TNPO1: variants seen among roughly 807,000 people sequenced by gnomAD.
TNPO1 encodes the protein transportin 1, also known as transportin-1.
TNPO1 carries 8 observed loss-of-function variants against 119.5 expected under a neutral mutation model. The ratio of observed to expected loss-of-function variants is 0.07; its 90% confidence interval spans 0.04 to 0.12. The LOEUF is 0.12. Ranked by LOEUF, TNPO1 falls within the 10% of genes least tolerant of loss-of-function variation. The pLI is 1.00. For missense variants in TNPO1, 576 were observed against 1,089.8 expected (o/e 0.53, Z 6.64); for synonymous variants, 362 against 363.0 (o/e 1.00, Z 0.03).
chr5:72,854,773 G>A (rs1353715304), intron 3 of TNPO1, among the ~76,000 whole-genome samples: 1 of 152,120 alleles, frequency 6.6e-6, no homozygotes, highest in Non-Finnish European at 1.5e-5. Context: ...GTAGCTTTTT[G>A]AAAATTTGTA....
chr5:72,898,720 G>A (rs775388919), intron 20 of TNPO1, among the ~76,000 whole-genome samples: 2 of 151,850 alleles, frequency 1.3e-5, no homozygotes, highest in African/African-American at 4.8e-5. Context: ...CTGCTTTATC[G>A]CATGTTTCAT....
At chr5:72,875,864 A>G (rs766486929) in intron 8 of TNPO1, 127 bp downstream of exon 8, 1 of 1,171,550 alleles carries the variant, frequency 8.5e-7, no homozygotes, top group South Asian at 1.8e-5. Context: ...ATTATAAGTT[A>G]TCTTTGTGGG....
At position 72,903,925 on chromosome 5, in the gene TNPO1, G is replaced by C. The variant is rs1010351016; in HGVS notation, c.2589+142G>C. On this transcript the variant is annotated intron_variant, in intron 23 of 24. Transcript: ENST00000337273. The stretch of plus-strand genomic sequence containing the variant: ...TTTACATATATAACCTTTATTCTTG[G>C]TAACAAAGTTGGCTTGATCTTTTCT... 3 of 523,740 alleles carry C rather than the reference G, an allele frequency of 5.7e-6. No individual in the cohort carries two copies. The African/African-American group carries it at 5.9e-5, about 10-fold the overall frequency. The allele number at this position is 523,740 out of a possible 1,614,324, so 32.4% of individuals were successfully genotyped here.
chr5:72,842,457 A>G (rs534605778), intron 1 of TNPO1, among the ~76,000 whole-genome samples: 1 of 152,328 alleles, frequency 6.6e-6, no homozygotes, highest in Non-Finnish European at 1.5e-5. Flanking sequence ...TAGAGTTGTG[A>G]AGTGCTTAGA....
rs1412990780 is a variant in TNPO1 at position 72,912,320 on chromosome 5, C to G, written c.*3647C>G. 1 of 152,396 alleles carries G rather than the reference C, an allele frequency of 6.6e-6. No homozygotes were observed. Among genetic ancestry groups the G allele is most frequent in the Admixed American group, 6.6e-5 (1 of 15,254 alleles). The allele number at this position is 152,396 out of a possible 1,614,324, so 9.4% of individuals were successfully genotyped here. ...GTGATTTTTTTGGTTAAGACTTTTT[C>G]ATTGATCTGAATTGCTTAAATTGCA... On this transcript the variant is annotated 3_prime_UTR_variant, in exon 25 of 25. Transcript: ENST00000337273.
At chr5:72,833,320 A>T (rs982428637) in intron 1 of TNPO1, among the ~76,000 whole-genome samples, 2 of 152,180 alleles carry the variant, frequency 1.3e-5, no homozygotes, top group Non-Finnish European at 2.9e-5. Flanking sequence ...TGAATGTTTT[A>T]GGGAGTTCGT....
At chr5:72,870,183 G>A (rs953375453) in intron 6 of TNPO1, among the ~76,000 whole-genome samples, 9 of 105,200 alleles carry the variant, frequency 8.6e-5, no homozygotes, top group East Asian at 6.1e-4. Context: ...TTTTTGAGAC[G>A]GAGTTTCACT....
At chr5:72,857,702 C>T (rs560768735) in intron 4 of TNPO1, among the ~76,000 whole-genome samples, 4 of 152,278 alleles carry the variant, frequency 2.6e-5, no homozygotes, top group South Asian at 4.1e-4. Context: ...GATATAGAAA[C>T]GAGTTATGAG....
Position 72,898,546 on chromosome 5 carries a change from G to T in TNPO1, c.2338+1395G>T, listed in dbSNP as rs186246279. Among the ~76,000 whole-genome samples, 348 of 152,138 alleles carry T rather than the reference G, an allele frequency of 2.3e-3. 3 individuals carry two copies. The highest frequency in any genetic ancestry group is 8.1e-3 in the African/African-American group (336 of 41,540). ...TTTATTTCTTACCCAAAAAAGTGGGGTTTTTTAATTATTAAAATCATTGTC... is the reference window on the plus strand; with the variant it reads ...TTTATTTCTTACCCAAAAAAGTGGGTTTTTTTAATTATTAAAATCATTGTC... On this transcript the variant is annotated intron_variant, in intron 20 of 24. Transcript: ENST00000337273.
At chr5:72,894,932 T>C (rs971872549) in intron 18 of TNPO1, among the ~76,000 whole-genome samples, 1 of 152,198 alleles carries the variant, frequency 6.6e-6, no homozygotes, top group Admixed American at 6.5e-5. Context: ...TTTTTTATTA[T>C]AAAGTGTTTA....
intron 6 of TNPO1, among the ~76,000 whole-genome samples, chr5:72,868,274 T>C (rs1747081369): frequency 6.6e-6 from 1 of 151,322 alleles, no homozygotes; most frequent in South Asian, 2.1e-4. Flanking sequence ...CTGCTAAAAA[T>C]ACAAAAAATT....
Position 72,893,224 on chromosome 5 carries a change from A to G in TNPO1, c.1874A>G (p.Gln625Arg), listed in dbSNP as rs780861355. ...TATCAGCGTTGTGTAAACCTAGTAC[A>G]GAAGACTCTTGCACAAGCCATGGTA... ...PVYQRCVNLV[Q>R]KTLAQAMLNN... Residue 625 changes from glutamine (Q) to arginine (R), a missense_variant, in exon 16 of 25, where the codon CAG (glutamine) becomes CGG (arginine). By Grantham distance (43) the Gln-to-Arg change is conservative. Coordinates refer to ENST00000337273, the MANE Select transcript of TNPO1 (RefSeq NM_002270.4). 6.2e-7 allele frequency: 1 copy of G among 1,613,924 alleles called. No individual in the cohort carries two copies. The highest frequency in any genetic ancestry group is 1.1e-5 in the South Asian group (1 of 90,986).
intron 9 of TNPO1, among the ~76,000 whole-genome samples, chr5:72,880,953 T>C (rs1748198682): frequency 6.6e-6 from 1 of 152,136 alleles, no homozygotes; most frequent in South Asian, 2.1e-4. Context: ...AATTGCCACA[T>C]GGTCACGGTT....
intron 13 of TNPO1, among the ~76,000 whole-genome samples, chr5:72,889,350 G>T (rs763491908): frequency 6.6e-6 from 1 of 152,140 alleles, no homozygotes; most frequent in Non-Finnish European, 1.5e-5. Context: ...GAGCCACCGC[G>T]CCTGGCAGGG....
chr5:72,888,390 T>C, intron 13 of TNPO1, 87 bp downstream of exon 13: 1 of 1,162,980 alleles, frequency 8.6e-7, no homozygotes, highest in Non-Finnish European at 1.2e-6. Context: ...GTTAAACCTA[T>C]AATGAAGTGT....
Position 72,911,833 on chromosome 5 carries a change from T to C in TNPO1, c.*3160T>C, listed in dbSNP as rs1238477477. The C allele has an allele frequency of 6.6e-6, 1 of 152,552 alleles. No homozygotes were observed. The highest frequency in any genetic ancestry group is 2.4e-5 in the African/African-American group (1 of 41,454). 9.4% of individuals were successfully genotyped at this position (152,552 alleles called of 1,614,324 possible). On this transcript the variant is annotated 3_prime_UTR_variant, in exon 25 of 25. Coordinates refer to ENST00000337273, the MANE Select transcript of TNPO1 (RefSeq NM_002270.4). ...CCTCAGGAGGTCAGTGTTTACTGTT[T>C]TATATATGCCTTCTTTTTCCTGTTT...
At chr5:72,862,993 TGTG>T (rs933576757) in intron 5 of TNPO1, among the ~76,000 whole-genome samples, 3 of 14,180 alleles carry the variant, frequency 2.1e-4, no homozygotes, top group African/African-American at 4.0e-4. Flanking sequence ...TGTGGGTTTT[TGTG>T]TGTGTGTGTG....
intron 5 of TNPO1, among the ~76,000 whole-genome samples, chr5:72,863,459 C>T (rs1746635294): frequency 6.6e-6 from 1 of 151,850 alleles, no homozygotes; most frequent in South Asian, 2.1e-4. Flanking sequence ...GTGATGTGTG[C>T]CTGTGGTCCC....
intron 2 of TNPO1, among the ~76,000 whole-genome samples, chr5:72,850,400 C>T (rs1266270356): frequency 6.6e-6 from 1 of 152,122 alleles, no homozygotes; most frequent in Non-Finnish European, 1.5e-5. Flanking sequence ...TACTTTCTGA[C>T]CCATAAACAT....
Sources: gnomAD v4.1 joint callset for allele counts (sites outside exome capture counted in the v4.1 genomes callset) on GRCh38, gnomAD v4.1.1 for gene constraint, MANE v1.5 for transcripts, NCBI Gene and HGNC (gene_info 2026-07-23, HGNC 2026-07-21) for gene names.